Variants in ANKRD44 observed in about 807,000 individuals in gnomAD.
The protein encoded by ANKRD44 is ankyrin repeat domain 44.
ANKRD44 carries 35 observed loss-of-function variants against 116.0 expected under a neutral mutation model. The observed-to-expected ratio is 0.30, with a 90% CI of 0.23 to 0.40. ANKRD44 has a LOEUF of 0.40. Ranked by LOEUF, ANKRD44 falls within the 10% of genes least tolerant of loss-of-function variation. The pLI is 1.00. For missense variants in ANKRD44, 1,014 were observed against 1,242.6 expected, an observed-to-expected ratio of 0.82 and a Z score of 2.77; for synonymous variants, 435 against 461.8, an observed-to-expected ratio of 0.94 and a Z score of 0.74.
At chr2:197,020,476 C>T (rs567311030) in intron 17 of ANKRD44, among the ~76,000 whole-genome samples, 54 of 152,270 alleles carry the variant, frequency 3.5e-4, no homozygotes, top group Non-Finnish European at 6.8e-4. Flanking sequence ...ACATAAAATA[C>T]ACTAACACTA....
rs10547024 is a variant in ANKRD44, at chr2:197,284,503, A to AACACAC, written c.27+26069_27+26074dup. ...AAGAACTCACGGCAACAGAGAGTCA[A>AACACAC]ACACACACACACACACACACACACA... is the stretch of plus-strand genomic sequence containing the variant. On this transcript the variant is annotated intron_variant, in intron 1 of 27. Transcript: ENST00000282272. Among the ~76,000 whole-genome samples, 666 of 137,850 alleles carry AACACAC rather than the reference A, an allele frequency of 4.8e-3. 6 individuals carry two copies. The highest frequency in any genetic ancestry group is 0.03 in the South Asian group (124 of 4,098). 90.4% of individuals were successfully genotyped at this position (137,850 alleles called of 152,430 possible).
At position 197,089,951 on chromosome 2, in the gene ANKRD44, C is replaced by A; in HGVS notation, c.1182G>T (p.Ser394=). The stretch of plus-strand genomic sequence containing the variant: ...ATCTCTGCTAACAGATTTACTTACC[C>A]GATGATAACAACTTTCTGCAGCAGT... ...HSDCCRKLLS[S]GFEIDTPDKF... The change falls in exon 11 of 28, where the codon TCG becomes TCT. Residue 394 remains serine (S), a splice_region_variant and synonymous_variant. Coordinates refer to ENST00000282272, the MANE Select transcript of ANKRD44 (RefSeq NM_001195144.2). 1 of 1,613,524 alleles carries A rather than the reference C, an allele frequency of 6.2e-7. No homozygotes were observed.
At chr2:197,065,831 T>A (rs1174513212) in intron 16 of ANKRD44, among the ~76,000 whole-genome samples, 1 of 152,142 alleles carries the variant, frequency 6.6e-6, no homozygotes, top group Non-Finnish European at 1.5e-5. Context: ...CAGGACCAGA[T>A]GGATTCACAG....
At chr2:197,140,651 A>G (rs2079338959) in intron 3 of ANKRD44, among the ~76,000 whole-genome samples, 1 of 152,176 alleles carries the variant, frequency 6.6e-6, no homozygotes, top group South Asian at 2.1e-4. Context: ...ATCTGAGTCA[A>G]TAATACTGTA....
chr2:197,058,564 C>A lies in ANKRD44; in HGVS notation c.1650+20139G>T, dbSNP rs183450553. On this transcript the variant is annotated intron_variant, in intron 16 of 27. Coordinates refer to ENST00000282272, the MANE Select transcript of ANKRD44 (RefSeq NM_001195144.2). ...TCAGCTGTCCTAATTTTTCACCTTC[C>A]AGAGCATTATGAGTTCACTGAAACA... 1.0e-3 allele frequency among the ~76,000 whole-genome samples: 152 copies of A among 152,168 alleles called. 1 individual carries two copies. The highest frequency in any genetic ancestry group is 3.5e-3 in the African/African-American group (145 of 41,520).
intron 1 of ANKRD44, among the ~76,000 whole-genome samples, chr2:197,305,958 C>T (rs1368574478): frequency 1.8e-5 from 2 of 112,898 alleles, no homozygotes; most frequent in Admixed American, 1.9e-4. Flanking sequence ...ATAATGACCG[C>T]AGTTCGTTTT....
rs578151471 is a variant in ANKRD44, at chr2:197,188,019, G to A, written c.28-913C>T. Among the ~76,000 whole-genome samples the A allele has an allele frequency of 8.1e-4, 123 of 152,212 alleles. 1 individual carries two copies. The highest frequency in any genetic ancestry group is 2.7e-3 in the African/African-American group (111 of 41,520). On this transcript the variant is annotated intron_variant, in intron 1 of 27. Coordinates refer to ENST00000282272, the MANE Select transcript of ANKRD44 (RefSeq NM_001195144.2). ...CTGGCCACCGGAACACTTTTGTGTCGGTATTTGGAAAACCCTTGAAATCAT... is the reference window on the plus strand; with the variant it reads ...CTGGCCACCGGAACACTTTTGTGTCAGTATTTGGAAAACCCTTGAAATCAT...
At chr2:197,204,279 A>C (rs2081156581) in intron 1 of ANKRD44, among the ~76,000 whole-genome samples, 1 of 152,090 alleles carries the variant, frequency 6.6e-6, no homozygotes, top group African/African-American at 2.4e-5. Context: ...ACTAGAAGAA[A>C]ATTTATAAAA....
At chr2:197,084,345 C>T (rs1028471880) in intron 13 of ANKRD44, among the ~76,000 whole-genome samples, 6 of 152,188 alleles carry the variant, frequency 3.9e-5, no homozygotes, top group African/African-American at 7.2e-5. Context: ...CCCCACTCAT[C>T]GTCTTGTCCC....
At chr2:197,246,732 G>T (rs111470832) in intron 1 of ANKRD44, among the ~76,000 whole-genome samples, 1 of 152,062 alleles carries the variant, frequency 6.6e-6, no homozygotes, top group South Asian at 2.1e-4. Flanking sequence ...GTCACTACTC[G>T]GAGTGACGTT....
chr2:197,047,017 A>G (rs1301172301), intron 16 of ANKRD44, among the ~76,000 whole-genome samples: 1 of 113,478 alleles, frequency 8.8e-6, no homozygotes, highest in African/African-American at 3.1e-5. Flanking sequence ...ATAAGGTAAC[A>G]GAATTACTTT....
At chr2:197,072,047 GAA>G (rs1477945957) in intron 16 of ANKRD44, among the ~76,000 whole-genome samples, 3 of 21,074 alleles carry the variant, frequency 1.4e-4, no homozygotes, top group African/African-American at 1.2e-3. Context: ...AGGGAGGAAA[GAA>G]GGAAGGAAGG....
At chr2:197,168,380 T>C (rs1376568349) in intron 2 of ANKRD44, among the ~76,000 whole-genome samples, 1 of 152,344 alleles carries the variant, frequency 6.6e-6, no homozygotes. Flanking sequence ...GACAACATTA[T>C]GTTTAGTGTT....
At chr2:197,117,389 G>A (rs1254387739) in intron 8 of ANKRD44, among the ~76,000 whole-genome samples, 4 of 152,074 alleles carry the variant, frequency 2.6e-5, no homozygotes, top group Non-Finnish European at 5.9e-5. Context: ...ACAGGCATGC[G>A]CCACCACACC....
Position 197,127,884 on chromosome 2 carries a change from G to T in ANKRD44, c.262-1847C>A, listed in dbSNP as rs773540628. ...TCTCACATGTCCCTCTGTTCTCATC[G>T]TTCAGCTCCCACTTGTAAGTGAGGA... On this transcript the variant is annotated intron_variant, in intron 4 of 27. Transcript: ENST00000282272. Among the ~76,000 whole-genome samples the T allele has an allele frequency of 2.0e-5, 3 of 152,124 alleles. No individual in the cohort carries two copies. In the East Asian group the frequency reaches 5.8e-4, roughly 29 times the overall value.
At chr2:197,262,932 T>C (rs1280406653) in intron 1 of ANKRD44, among the ~76,000 whole-genome samples, 6 of 152,014 alleles carry the variant, frequency 3.9e-5, no homozygotes, top group Non-Finnish European at 8.8e-5. Context: ...CAAAAAACGT[T>C]AGCAATACAT....
At chr2:197,229,214 T>C (rs974348935) in intron 1 of ANKRD44, among the ~76,000 whole-genome samples, 3 of 152,216 alleles carry the variant, frequency 2.0e-5, no homozygotes, top group Non-Finnish European at 4.4e-5. Flanking sequence ...CATGCAAATA[T>C]AATATGAATA....
intron 16 of ANKRD44, among the ~76,000 whole-genome samples, chr2:197,057,295 C>A (rs2077220988): frequency 6.6e-6 from 1 of 152,048 alleles, no homozygotes; most frequent in Admixed American, 6.6e-5. Flanking sequence ...CCTTAATTTT[C>A]TAATACTGAG....
chr2:197,216,523 C>T (rs1243469258), intron 1 of ANKRD44, among the ~76,000 whole-genome samples: 1 of 152,174 alleles, frequency 6.6e-6, no homozygotes, highest in Non-Finnish European at 1.5e-5. Flanking sequence ...ACATTTCCCT[C>T]CGCTGTTCTC....
Sources: allele counts gnomAD v4.1 joint callset (sites outside exome capture counted in the v4.1 genomes callset), GRCh38; gene constraint gnomAD v4.1.1; transcripts MANE v1.5; gene names NCBI Gene and HGNC (gene_info 2026-07-23, HGNC 2026-07-21).